Variants in SYMPK observed in about 807,000 individuals in gnomAD.
The protein encoded by SYMPK is symplekin scaffold protein.
SYMPK carries 49 observed loss-of-function variants against 136.4 expected under a neutral mutation model. The observed-to-expected ratio is 0.36, with a 90% CI of 0.29 to 0.46. SYMPK has a LOEUF of 0.46. SYMPK is among the 20% of genes least tolerant of loss of function. The pLI is 1.00. For synonymous variants in SYMPK, 766 were observed against 713.0 expected, an observed-to-expected ratio of 1.07 and a Z score of -1.19; for missense variants, 1,365 against 1,690.0, an observed-to-expected ratio of 0.81 and a Z score of 3.37.
In SYMPK at chr19:45,815,511, T is replaced by TACCC; in HGVS notation, c.*48_*49insGGGT. The TACCC allele has an allele frequency of 4.9e-6, 5 of 1,012,774 alleles. No individual in the cohort carries two copies. The highest frequency in any genetic ancestry group is 6.8e-6 in the Non-Finnish European group (5 of 736,534). The allele number at this position is 1,012,774 out of a possible 1,614,324, so 62.7% of individuals were successfully genotyped here. A position where few individuals can be genotyped will look rare whatever the true frequency, so the allele number is the denominator to read the frequency against. On this transcript the variant is annotated 3_prime_UTR_variant, in exon 27 of 27. Coordinates refer to ENST00000245934, the MANE Select transcript of SYMPK (RefSeq NM_004819.3). ...CACCCGCAGGTCAAGCCCCGCCCCG[T>TACCC]CCCCCAGCCCCGAGTCCCTGTCCCA... is the stretch of plus-strand genomic sequence containing the variant.
At chr19:45,818,174 C>A in intron 22 of SYMPK, 28 bp from the exon 23 acceptor site, 1 of 1,507,152 alleles carries the variant, frequency 6.6e-7, no homozygotes. Flanking sequence ...GTGGGCCTGT[C>A]CTCTCTGCCC....
chr19:45,836,817 T>C (rs181205092), intron 10 of SYMPK, among the ~76,000 whole-genome samples: 3 of 152,232 alleles, frequency 2.0e-5, no homozygotes, highest in Admixed American at 2.0e-4. Context: ...TTTTTTATTT[T>C]TCTTTTTGTA....
intron 21 of SYMPK, among the ~76,000 whole-genome samples, chr19:45,822,511 G>C (rs545366588): frequency 1.3e-5 from 2 of 152,312 alleles, no homozygotes; most frequent in African/African-American, 4.8e-5. Flanking sequence ...TCCTAAAAGG[G>C]AAGATGCTGC....
At chr19:45,853,754 C>A (rs1281569878) in intron 3 of SYMPK, among the ~76,000 whole-genome samples, 1 of 151,848 alleles carries the variant, frequency 6.6e-6, no homozygotes, top group East Asian at 1.9e-4. Flanking sequence ...CTCCCAGAGC[C>A]CCCCTGGGCT....
chr19:45,816,017 G>A lies in SYMPK; in HGVS notation c.3521C>T (p.Pro1174Leu). Residue 1174 changes from proline (P) to leucine (L), a missense_variant, in exon 26 of 27, where the codon CCC becomes CTC. Physicochemically the swap from Pro to Leu is moderately conservative, Grantham distance 98 (BLOSUM62 -3). Coordinates refer to ENST00000245934, the MANE Select transcript of SYMPK (RefSeq NM_004819.3). Reference sequence around the variant, plus strand: ...CGGGCCTGGCCGGGCCGACGGAGAGGGAGAGGGGGAGGAAGAGGAGGGGGC... The same window carrying A: ...CGGGCCTGGCCGGGCCGACGGAGAGAGAGAGGGGGAGGAAGAGGAGGGGGC... ...VGAPSSSSPS[P>L]SPSARPGPPP... 6.3e-7 allele frequency: 1 copy of A among 1,594,808 alleles called. No individual in the cohort carries two copies. Among genetic ancestry groups the A allele is most frequent in the East Asian group, 2.3e-5 (1 of 44,270 alleles).
intron 11 of SYMPK, among the ~76,000 whole-genome samples, chr19:45,834,050 G>C (rs778522271): frequency 2.0e-5 from 3 of 151,872 alleles, no homozygotes; most frequent in Non-Finnish European, 4.4e-5. Flanking sequence ...CACTTTGGGA[G>C]GCCAAGGCGG....
chr19:45,853,265 C>T (rs1971738014), intron 3 of SYMPK, among the ~76,000 whole-genome samples: 1 of 152,208 alleles, frequency 6.6e-6, no homozygotes, highest in Non-Finnish European at 1.5e-5. Context: ...CTGCCTCCTG[C>T]TCTGAACCAT....
intron 1 of SYMPK, among the ~76,000 whole-genome samples, chr19:45,862,212 T>C (rs1568630983): frequency 6.6e-6 from 1 of 152,170 alleles, no homozygotes. Flanking sequence ...GTATTATAGT[T>C]TCTTTCAGCC....
chr19:45,850,257 A>C (rs1465494173), intron 5 of SYMPK, among the ~76,000 whole-genome samples: 1 of 152,196 alleles, frequency 6.6e-6, no homozygotes, highest in East Asian at 1.9e-4. Context: ...AAAAATAATA[A>C]ATAAATAAAA....
chr19:45,838,717 C>T, intron 9 of SYMPK, 102 bp from the exon 10 acceptor site: 1 of 1,226,486 alleles, frequency 8.2e-7, no homozygotes, highest in Middle Eastern at 2.6e-4. Flanking sequence ...TCAGCCTCAG[C>T]AAACAGGAGC....
At chr19:45,854,134 C>T in intron 3 of SYMPK, 41 bp downstream of exon 3, 1 of 1,600,348 alleles carries the variant, frequency 6.2e-7, no homozygotes, top group Non-Finnish European at 8.6e-7. Flanking sequence ...CAGCCTCCTC[C>T]CTTTCACCTG....
intron 7 of SYMPK, among the ~76,000 whole-genome samples, chr19:45,845,731 G>A (rs1971544438): frequency 6.6e-6 from 1 of 152,178 alleles, no homozygotes; most frequent in South Asian, 2.1e-4. Context: ...TGGGATTGCT[G>A]AATCATATGG....
chr19:45,829,412 CA>C (rs1278328861), intron 13 of SYMPK, among the ~76,000 whole-genome samples: 1 of 152,070 alleles, frequency 6.6e-6, no homozygotes, highest in African/African-American at 2.4e-5. Context: ...GATCGATCAT[CA>C]CAGAATAAAA....
chr19:45,854,286 C>T (rs1421351167), intron 2 of SYMPK, 46 bp from the exon 3 acceptor site: 2 of 1,609,744 alleles, frequency 1.2e-6, no homozygotes, highest in Non-Finnish European at 8.5e-7. Context: ...CCCAGTCCAG[C>T]CCAGTGCAGC....
In SYMPK at chr19:45,863,114, C is replaced by A. The variant is rs758815366; in HGVS notation, c.-69G>T. 5 of 323,194 alleles carry A rather than the reference C, an allele frequency of 1.5e-5. No individual in the cohort carries two copies. The highest frequency in any genetic ancestry group is 2.8e-5 in the Non-Finnish European group (5 of 180,516). 20.0% of individuals were successfully genotyped at this position (323,194 alleles called of 1,614,324 possible). ...CCTCAGCAGTGCCTCTTCCTACACT[C>A]CGCCGCCGCCGCCGCCGCCATCTTC... On this transcript the variant is annotated 5_prime_UTR_variant, in exon 1 of 27. An upstream open reading frame in the 5' UTR gains an earlier in-frame stop. Transcript: ENST00000245934.
chr19:45,836,006 A>G (rs1430291906), intron 10 of SYMPK, among the ~76,000 whole-genome samples: 1 of 152,168 alleles, frequency 6.6e-6, no homozygotes, highest in Admixed American at 6.6e-5. Flanking sequence ...ACAAGCAAAC[A>G]AGAAACCCCC....
intron 1 of SYMPK, among the ~76,000 whole-genome samples, chr19:45,858,480 T>C (rs1600537498): frequency 6.6e-6 from 1 of 152,202 alleles, no homozygotes; most frequent in Middle Eastern, 3.4e-3. Context: ...AGGTCTCCAC[T>C]CACATGTCTC....
Position 45,849,020 on chromosome 19 carries a change from G to A in SYMPK, c.300-144C>T, listed in dbSNP as rs192220181. ...ATCCAGAAGCTGGGAACAGTGCTTG[G>A]TGCCTCCAGACTGAGCCGCCCCTGA... On this transcript the variant is annotated intron_variant, in intron 5 of 26. Coordinates refer to ENST00000245934, the MANE Select transcript of SYMPK (RefSeq NM_004819.3). 3.4e-5 allele frequency: 33 copies of A among 976,840 alleles called. No homozygotes were observed. The East Asian group carries it at 7.3e-4, about 22-fold the overall frequency. The allele number at this position is 976,840 out of a possible 1,614,324, so 60.5% of individuals were successfully genotyped here.
intron 9 of SYMPK, among the ~76,000 whole-genome samples, chr19:45,841,297 CTT>C (rs1038779942): frequency 1.4e-5 from 2 of 141,508 alleles, no homozygotes; most frequent in African/African-American, 2.6e-5. Context: ...CCCCCCCCAC[CTT>C]TTTTTTTTTT....
Sources: allele counts gnomAD v4.1 joint callset (sites outside exome capture counted in the v4.1 genomes callset), GRCh38; gene constraint gnomAD v4.1.1; transcripts MANE v1.5; gene names NCBI Gene and HGNC (gene_info 2026-07-23, HGNC 2026-07-21).